Variants in PAX8 observed in about 807,000 individuals in gnomAD.
PAX8 encodes the protein paired box 8.
Under a neutral mutation model 52.4 loss-of-function variants are expected in PAX8, and 15 were observed. That is an observed-to-expected ratio of 0.29 (90% CI 0.19 to 0.44). PAX8 has a LOEUF of 0.44. PAX8 is among the 20% of genes least tolerant of loss of function. The pLI, the probability that PAX8 is intolerant of heterozygous loss-of-function variation, is 1.00. For synonymous variants in PAX8, 284 were observed against 249.7 expected (o/e 1.14, Z -1.29); for missense variants, 554 against 602.5 (o/e 0.92, Z 0.84).
rs757705891 is a variant in PAX8, at chr2:113,218,512, C to T, written c.*21G>A. Reference sequence around the variant, plus strand: ...GCTGAGTCCTCCTGTTGCTCAGTCGCTCCCACTGTCCCCATGGCAACTACA... The same window carrying T: ...GCTGAGTCCTCCTGTTGCTCAGTCGTTCCCACTGTCCCCATGGCAACTACA... On this transcript the variant is annotated 3_prime_UTR_variant, in exon 12 of 12. Transcript: ENST00000429538. 6.1e-5 allele frequency: 91 copies of T among 1,493,716 alleles called. 1 individual carries two copies. In the South Asian group the frequency reaches 1.0e-3, roughly 17 times the overall value. 92.5% of individuals were successfully genotyped at this position (1,493,716 alleles called of 1,614,324 possible). A position where few individuals can be genotyped will look rare whatever the true frequency, so the allele number is the denominator to read the frequency against.
At chr2:113,257,291 G>T (rs770180531) in intron 2 of PAX8, among the ~76,000 whole-genome samples, 2 of 152,078 alleles carry the variant, frequency 1.3e-5, no homozygotes, top group African/African-American at 2.4e-5. Context: ...GGCTGTTACC[G>T]ATTGACTCCT....
intron 7 of PAX8, chr2:113,237,719 T>C (rs114414824): frequency 0.049 from 7,403 of 152,202 alleles, 274 homozygotes; most frequent in South Asian, 0.15. Context: ...CTCCTTCCAC[T>C]GGGGAAGCAG....
chr2:113,260,069 C>T (rs1376699463), intron 2 of PAX8, among the ~76,000 whole-genome samples: 1 of 152,118 alleles, frequency 6.6e-6, no homozygotes, highest in African/African-American at 2.4e-5. Context: ...AAGCAATTTT[C>T]AGTACATTAG....
At chr2:113,261,212 G>A (rs1692654229) in intron 2 of PAX8, among the ~76,000 whole-genome samples, 2 of 152,142 alleles carry the variant, frequency 1.3e-5, no homozygotes, top group Non-Finnish European at 2.9e-5. Flanking sequence ...AGGGGGTGCT[G>A]AGAATTAGGA....
At chr2:113,260,909 A>G (rs1280668823) in intron 2 of PAX8, among the ~76,000 whole-genome samples, 1 of 123,544 alleles carries the variant, frequency 8.1e-6, no homozygotes. Context: ...TATGTGTGTG[A>G]CTGTGTGTGT....
intron 10 of PAX8, chr2:113,226,788 T>C: frequency 8.3e-7 from 1 of 1,211,474 alleles, no homozygotes; most frequent in Non-Finnish European, 1.0e-6. Context: ...GTAGGGTTCA[T>C]CTTCCACTCA....
chr2:113,238,243 G>A (rs982110932), intron 7 of PAX8: 1 of 151,922 alleles, frequency 6.6e-6, no homozygotes, highest in African/African-American at 2.4e-5. Context: ...CTAATTTTTT[G>A]TATCTTTAGT....
rs1244685787 is a variant in PAX8 at position 113,278,351 on chromosome 2, G to A, written c.25+19C>T. 1 of 1,579,466 alleles carries A rather than the reference G, an allele frequency of 6.3e-7. No homozygotes were observed. Among genetic ancestry groups the A allele is most frequent in the South Asian group, 1.1e-5 (1 of 90,062 alleles). On this transcript the variant is annotated intron_variant, in intron 2 of 11. Coordinates refer to ENST00000429538, the MANE Select transcript of PAX8 (RefSeq NM_003466.4). ...AGCGGCGCGGGGGCTCGGGGATCCT[G>A]ACCACACCGCGTTCTTACCAGATCT...
In PAX8 at chr2:113,216,105, A is replaced by G. The variant is rs1689020717; in HGVS notation, c.*2428T>C. On this transcript the variant is annotated 3_prime_UTR_variant, in exon 12 of 12. Coordinates refer to ENST00000429538, the MANE Select transcript of PAX8 (RefSeq NM_003466.4). ...GGGGCTGTGGCTGTGAATGCAAGGG[A>G]TCGCTCTATGGGCTCCTTGGGATGC... 4.4e-6 allele frequency: 1 copy of G among 228,206 alleles called. No homozygotes were observed. The highest frequency in any genetic ancestry group is 8.7e-6 in the Non-Finnish European group (1 of 114,976). The allele number at this position is 228,206 out of a possible 1,614,324, so 14.1% of individuals were successfully genotyped here.
intron 9 of PAX8, among the ~76,000 whole-genome samples, chr2:113,229,696 T>G (rs1021150402): frequency 6.6e-6 from 1 of 152,184 alleles, no homozygotes; most frequent in Admixed American, 6.5e-5. Flanking sequence ...ATGCAGAAGC[T>G]ATACTGAGAT....
intron 2 of PAX8, chr2:113,255,686 T>C (rs888314533): frequency 6.6e-6 from 1 of 152,176 alleles, no homozygotes; most frequent in African/African-American, 2.4e-5. Context: ...CTGACTCTAG[T>C]CTTTGGAGTC....
At position 113,242,089 on chromosome 2, in the gene PAX8, C is replaced by G. The variant is rs1438938048; in HGVS notation, c.520G>C (p.Asp174His). 1 of 1,613,546 alleles carries G rather than the reference C, an allele frequency of 6.2e-7. No individual in the cohort carries two copies. Among genetic ancestry groups the G allele is most frequent in the Non-Finnish European group, 8.5e-7 (1 of 1,179,682 alleles). The change falls in exon 6 of 12, where the codon GAT becomes CAT. Residue 174 changes from aspartate to histidine, a missense_variant. Coordinates refer to ENST00000429538, the MANE Select transcript of PAX8 (RefSeq NM_003466.4). ...AVTPPESPQS[D>H]SLGSTYSING... Reference sequence around the variant, plus strand: ...ATGGAGTAGGTGGAGCCCAGGGAATCCGACTGGGGTGACTCCGGGGGAGTT... The same window carrying G: ...ATGGAGTAGGTGGAGCCCAGGGAATGCGACTGGGGTGACTCCGGGGGAGTT...
At chr2:113,277,310 T>G (rs888216055) in intron 2 of PAX8, among the ~76,000 whole-genome samples, 1 of 152,226 alleles carries the variant, frequency 6.6e-6, no homozygotes, top group East Asian at 1.9e-4. Flanking sequence ...GCCCTGGGAC[T>G]GGAGACTGCG....
chr2:113,232,696 G>C (rs1230148721), intron 9 of PAX8, among the ~76,000 whole-genome samples: 2 of 152,182 alleles, frequency 1.3e-5, no homozygotes. Flanking sequence ...ATGCTAACAG[G>C]ATGACAGGGA....
intron 9 of PAX8, among the ~76,000 whole-genome samples, chr2:113,233,689 A>C (rs891126185): frequency 3.3e-5 from 5 of 151,548 alleles, no homozygotes; most frequent in Admixed American, 1.3e-4. Context: ...AAAAACAAAA[A>C]AACAAAAAAA....
intron 2 of PAX8, 102 bp from the exon 3 acceptor site, chr2:113,247,021 C>T: frequency 8.7e-7 from 1 of 1,143,038 alleles, no homozygotes; most frequent in Non-Finnish European, 1.3e-6. Flanking sequence ...GTGTGTTTGA[C>T]TGTGACCATG....
intron 9 of PAX8, among the ~76,000 whole-genome samples, chr2:113,228,141 C>T (rs532735367): frequency 3.3e-5 from 5 of 152,272 alleles, no homozygotes; most frequent in Admixed American, 6.5e-5. Flanking sequence ...CCTGACCTGG[C>T]GAGCATCTCC....
At chr2:113,263,390 A>C (rs4848322) in intron 2 of PAX8, 1 of 152,824 alleles carries the variant, frequency 6.5e-6, no homozygotes, top group Admixed American at 6.5e-5. Context: ...CTGACCCTGG[A>C]TCCAGTCTAA....
intron 9 of PAX8, among the ~76,000 whole-genome samples, 195 bp from the exon 10 acceptor site, chr2:113,227,451 G>C (rs770857686): frequency 3.9e-5 from 6 of 152,222 alleles, no homozygotes; most frequent in Non-Finnish European, 7.3e-5. Context: ...CTGCAGGACA[G>C]AGGCTCCACC....
Sources: allele counts gnomAD v4.1 joint callset (sites outside exome capture counted in the v4.1 genomes callset), GRCh38; gene constraint gnomAD v4.1.1; transcripts MANE v1.5; gene names NCBI Gene and HGNC (gene_info 2026-07-23, HGNC 2026-07-21).